TBX19: variants seen among roughly 807,000 people sequenced by gnomAD.
TBX19 encodes the protein T-box transcription factor 19, also known as T-box transcription factor TBX19.
A neutral mutation model predicts 40.9 loss-of-function variants in TBX19; 33 were observed. The ratio of observed to expected loss-of-function variants is 0.81; its 90% CI spans 0.61 to 1.08. The LOEUF (loss-of-function observed/expected upper bound fraction) is 1.08, where lower values mean the gene tolerates loss of function less well. Ranked by LOEUF, TBX19 falls within the 50% of genes least tolerant of loss-of-function variation. The pLI is 0.00. For synonymous variants in TBX19, 220 were observed against 225.0 expected (o/e 0.98, Z 0.20); for missense variants, 494 against 574.0 (o/e 0.86, Z 1.42).
chr1:168,305,761 C>CT (rs1481920048), intron 6 of TBX19, among the ~76,000 whole-genome samples: 12 of 152,246 alleles, frequency 7.9e-5, no homozygotes, highest in African/African-American at 2.6e-4. Flanking sequence ...TGTTTGTGTG[C>CT]TTTTTTCTCA....
intron 5 of TBX19, among the ~76,000 whole-genome samples, chr1:168,301,952 A>T (rs925726605): frequency 1.3e-5 from 2 of 152,134 alleles, no homozygotes; most frequent in Admixed American, 1.3e-4. Context: ...GGGTCTGATA[A>T]ATTTTGCATG....
chr1:168,295,299 A>G (rs1572477273), intron 3 of TBX19, among the ~76,000 whole-genome samples: 1 of 152,134 alleles, frequency 6.6e-6, no homozygotes, highest in African/African-American at 2.4e-5. Context: ...TCAGGAAAAA[A>G]AAAAAGATCT....
At chr1:168,291,080 T>C in intron 1 of TBX19, 80 bp from the exon 2 acceptor site, 1 of 1,598,592 alleles carries the variant, frequency 6.3e-7, no homozygotes, top group South Asian at 1.1e-5. Context: ...GTGGAAGGTC[T>C]CAGTATTGAG....
At chr1:168,287,353 T>G (rs1336790497) in intron 1 of TBX19, among the ~76,000 whole-genome samples, 1 of 152,230 alleles carries the variant, frequency 6.6e-6, no homozygotes, top group Non-Finnish European at 1.5e-5. Flanking sequence ...ATTTAGGTCT[T>G]AGCTCAAATG....
At chr1:168,294,047 C>T (rs1169605957) in intron 3 of TBX19, among the ~76,000 whole-genome samples, 1 of 152,114 alleles carries the variant, frequency 6.6e-6, no homozygotes, top group Admixed American at 6.5e-5. Flanking sequence ...TCCCCATGGA[C>T]ACGACGAAGA....
At chr1:168,305,247 A>G (rs776773886) in intron 6 of TBX19, 51 bp downstream of exon 6, 1 of 1,577,112 alleles carries the variant, frequency 6.3e-7, no homozygotes, top group Non-Finnish European at 8.6e-7. Flanking sequence ...GGGTGGGGGC[A>G]GTCAGGAGAA....
intron 1 of TBX19, among the ~76,000 whole-genome samples, chr1:168,284,181 C>G (rs577048183): frequency 1.3e-5 from 2 of 152,088 alleles, no homozygotes; most frequent in East Asian, 1.9e-4. Flanking sequence ...TCCTCCCTCT[C>G]TTTTTAAAAT....
At chr1:168,303,445 GAC>G (rs1649326063) in intron 5 of TBX19, among the ~76,000 whole-genome samples, 1 of 152,128 alleles carries the variant, frequency 6.6e-6, no homozygotes, top group African/African-American at 2.4e-5. Context: ...CCTTTGATAG[GAC>G]TGTAACCACC....
chr1:168,312,231 CAG>C (rs1558196350), intron 7 of TBX19, among the ~76,000 whole-genome samples: 1 of 152,186 alleles, frequency 6.6e-6, no homozygotes, highest in African/African-American at 2.4e-5. Flanking sequence ...AATTGACACT[CAG>C]AGATATTAAA....
In TBX19 at chr1:168,312,696, C is replaced by T. The variant is rs769274721; in HGVS notation, c.1053-12C>T. On this transcript the variant is annotated splice_polypyrimidine_tract_variant and intron_variant, in intron 7 of 7. Transcript: ENST00000367821. The stretch of plus-strand genomic sequence containing the variant: ...GTGAACATTCCCTTCCCCTCTTTCT[C>T]TGTCTCTGCAGCCCCTACCCGTGCC... 6.2e-6 allele frequency: 10 copies of T among 1,609,642 alleles called. No individual in the cohort carries two copies. Among genetic ancestry groups the T allele is most frequent in the Non-Finnish European group, 8.5e-6 (10 of 1,179,988 alleles).
At chr1:168,282,215 G>T (rs1648672614) in intron 1 of TBX19, among the ~76,000 whole-genome samples, 1 of 152,144 alleles carries the variant, frequency 6.6e-6, no homozygotes, top group Non-Finnish European at 1.5e-5. Context: ...TGACACCCTC[G>T]AGAGAATTCT....
At chr1:168,308,710 G>C in intron 6 of TBX19, 32 bp from the exon 7 acceptor site, 1 of 1,613,984 alleles carries the variant, frequency 6.2e-7, no homozygotes, top group East Asian at 2.2e-5. Context: ...TTCTACATTT[G>C]CTATCAATTC....
In TBX19 at chr1:168,308,494, C is replaced by T. The variant is rs918968656; in HGVS notation, c.917-248C>T. The stretch of plus-strand genomic sequence containing the variant: ...GGCAAATCATTCTACCACCCTGAGG[C>T]GTATCTATAAGATGGAGTTAAGGAG... On this transcript the variant is annotated intron_variant, in intron 6 of 7. Transcript: ENST00000367821. 40 of 498,998 alleles carry T rather than the reference C, an allele frequency of 8.0e-5. 1 individual carries two copies. In the Admixed American group the frequency reaches 9.5e-4, roughly 12 times the overall value. The allele number at this position is 498,998 out of a possible 1,614,324, so 30.9% of individuals were successfully genotyped here. A position where few individuals can be genotyped will look rare whatever the true frequency, so the allele number is the denominator to read the frequency against.
chr1:168,313,913 T>C lies in TBX19; in HGVS notation c.*911T>C, dbSNP rs938617980. ...GTGGTAGATCAAGGCTTTGTTTCAT[T>C]TGAAAAAAAAGAAAGAAAGAAAGAA... On this transcript the variant is annotated 3_prime_UTR_variant, in exon 8 of 8. Transcript: ENST00000367821. 3 of 134,134 alleles carry C rather than the reference T, an allele frequency of 2.2e-5. No individual in the cohort carries two copies. Among genetic ancestry groups the C allele is most frequent in the African/African-American group, 5.8e-5 (2 of 34,372 alleles). The allele number at this position is 134,134 out of a possible 1,614,324, so 8.3% of individuals were successfully genotyped here.
intron 1 of TBX19, among the ~76,000 whole-genome samples, chr1:168,283,382 G>A (rs1418175167): frequency 1.3e-5 from 2 of 152,120 alleles, no homozygotes; most frequent in African/African-American, 4.8e-5. Context: ...CCAGGAGATA[G>A]AAAGTTTCCT....
intron 1 of TBX19, among the ~76,000 whole-genome samples, chr1:168,290,625 A>T (rs1346419918): frequency 6.6e-6 from 1 of 152,086 alleles, no homozygotes; most frequent in Non-Finnish European, 1.5e-5. Flanking sequence ...ATCACAGCTC[A>T]CTGCAGCCTC....
intron 1 of TBX19, among the ~76,000 whole-genome samples, chr1:168,285,025 A>C (rs1648772159): frequency 6.6e-6 from 1 of 152,122 alleles, no homozygotes; most frequent in South Asian, 2.1e-4. Context: ...GTAAAGTTGC[A>C]CATCAGGCCA....
At chr1:168,304,398 T>G (rs1409025354) in intron 5 of TBX19, among the ~76,000 whole-genome samples, 1 of 152,176 alleles carries the variant, frequency 6.6e-6, no homozygotes, top group Non-Finnish European at 1.5e-5. Flanking sequence ...GGTTGGTGGG[T>G]CCAGGTGGAG....
intron 2 of TBX19, among the ~76,000 whole-genome samples, chr1:168,292,224 C>A (rs559544533): frequency 1.3e-5 from 2 of 152,262 alleles, no homozygotes; most frequent in Admixed American, 1.3e-4. Flanking sequence ...GTTCATGTGT[C>A]CAGAGGTAAC....
Sources: gnomAD v4.1 joint callset for allele counts (sites outside exome capture counted in the v4.1 genomes callset) on GRCh38, gnomAD v4.1.1 for gene constraint, MANE v1.5 for transcripts, NCBI Gene and HGNC (gene_info 2026-07-23, HGNC 2026-07-21) for gene names.